The following RBM26 variants were observed in gnomAD, a reference collection of about 807,000 sequenced individuals.
RBM26 encodes RNA-binding protein 26.
A neutral mutation model predicts 123.6 loss-of-function variants in RBM26; 30 were observed. That is an observed-to-expected ratio of 0.24 (90% CI 0.18 to 0.33). RBM26 has a LOEUF of 0.33. RBM26 is among the 10% of genes least tolerant of loss of function. The pLI is 1.00. For synonymous variants in RBM26, 400 were observed against 404.4 expected, an observed-to-expected ratio of 0.99 and a Z score of 0.13; for missense variants, 947 against 1,203.6, an observed-to-expected ratio of 0.79 and a Z score of 3.15.
At chr13:79,390,443 G>GT (rs1160366680) in intron 1 of RBM26, among the ~76,000 whole-genome samples, 2 of 152,132 alleles carry the variant, frequency 1.3e-5, no homozygotes, top group African/African-American at 4.8e-5. Flanking sequence ...CTAGAGGTAG[G>GT]TGGGGGCATG....
chr13:79,385,668 AAATT>A, intron 1 of RBM26, among the ~76,000 whole-genome samples: 1 of 152,214 alleles, frequency 6.6e-6, no homozygotes, highest in Non-Finnish European at 1.5e-5. Flanking sequence ...AATTGAGAAA[AAATT>A]TAGTTTAGTT....
At chr13:79,388,326 C>T (rs905548143) in intron 1 of RBM26, among the ~76,000 whole-genome samples, 3 of 152,196 alleles carry the variant, frequency 2.0e-5, no homozygotes, top group South Asian at 4.1e-4. Context: ...GAACTTCTGA[C>T]CTCAGGTGAT....
At chr13:79,348,152 AC>A (rs1379168971) in intron 14 of RBM26, among the ~76,000 whole-genome samples, 5 of 152,116 alleles carry the variant, frequency 3.3e-5, no homozygotes, top group Non-Finnish European at 5.9e-5. Flanking sequence ...GTATCACTGG[AC>A]ATTTGCTAAT....
intron 7 of RBM26, among the ~76,000 whole-genome samples, 161 bp downstream of exon 7, chr13:79,366,472 T>A (rs899758378): frequency 3.3e-5 from 5 of 152,220 alleles, no homozygotes; most frequent in Non-Finnish European, 5.9e-5. Context: ...TGGCACAGGC[T>A]ACAAAGTGGA....
At chr13:79,316,279 T>C (rs767610133), downstream of RBM26, among the ~76,000 whole-genome samples, 1 of 150,818 alleles carries the variant, frequency 6.6e-6, no homozygotes, top group African/African-American at 2.4e-5. Flanking sequence ...GAACTAAAAC[T>C]AATTTTCTAT....
rs1277686691 is a variant in RBM26 at position 79,371,947 on chromosome 13, A to G, written c.328-17T>C. ...CTTAGTGATCTGATTAAAAAAAAAA[A>G]AAAAAGTGTACAAGTTTAGTAATTA... On this transcript the variant is annotated splice_polypyrimidine_tract_variant and intron_variant, in intron 3 of 21. Transcript: ENST00000438737. 2.6e-6 allele frequency: 4 copies of G among 1,542,166 alleles called. No individual in the cohort carries two copies. Among genetic ancestry groups the G allele is most frequent in the Non-Finnish European group, 3.6e-6 (4 of 1,119,290 alleles).
intron 14 of RBM26, among the ~76,000 whole-genome samples, chr13:79,346,834 C>A (rs1281212226): frequency 6.6e-6 from 1 of 152,136 alleles, no homozygotes; most frequent in Middle Eastern, 3.2e-3. Flanking sequence ...ACAGGATAAA[C>A]TGAAAACAGA....
Position 79,384,586 on chromosome 13 carries a change from T to C in RBM26, c.72-5679A>G, listed in dbSNP as rs991861354. Among the ~76,000 whole-genome samples, 3 of 152,256 alleles carry C rather than the reference T, an allele frequency of 2.0e-5. No individual in the cohort carries two copies. The East Asian group carries it at 5.8e-4, about 29-fold the overall frequency. On this transcript the variant is annotated intron_variant, in intron 1 of 21. Transcript: ENST00000438737. Reference sequence around the variant, plus strand: ...ATCTTTGTTTTTAAAAACAGTTCAGTTGGAGACTTCCAGCTTCATGCATAC... The same window carrying C: ...ATCTTTGTTTTTAAAAACAGTTCAGCTGGAGACTTCCAGCTTCATGCATAC...
chr13:79,331,133 C>T (rs1324488245), intron 20 of RBM26, among the ~76,000 whole-genome samples: 2 of 152,070 alleles, frequency 1.3e-5, no homozygotes, highest in Admixed American at 6.5e-5. Flanking sequence ...ACCTTAGCCT[C>T]GCAAACAGCT....
chr13:79,318,238 A>G (rs1053839752), downstream of RBM26, among the ~76,000 whole-genome samples: 2 of 147,432 alleles, frequency 1.4e-5, no homozygotes, highest in African/African-American at 4.9e-5. Flanking sequence ...GGAAAGCAGC[A>G]GCATCAACGT....
intron 20 of RBM26, among the ~76,000 whole-genome samples, chr13:79,326,152 A>ATT (rs1367470086): frequency 6.6e-6 from 1 of 152,188 alleles, no homozygotes; most frequent in East Asian, 1.9e-4. Flanking sequence ...ATCCCTCTTA[A>ATT]GTGGCACATG....
At chr13:79,346,572 C>T (rs2072373100) in intron 14 of RBM26, among the ~76,000 whole-genome samples, 1 of 152,058 alleles carries the variant, frequency 6.6e-6, no homozygotes, top group South Asian at 2.1e-4. Context: ...CAGGGTTTCT[C>T]GCCATGTTGC....
chr13:79,365,598 T>A lies in RBM26; in HGVS notation c.1397A>T (p.Asp466Val), dbSNP rs1003999404. The change falls in exon 9 of 22, where the codon GAT becomes GTT. Residue 466 changes from aspartate to valine, a missense_variant. This residue lies in a region of RBM26 where 493 missense variants were observed against 563.1 expected (regional missense o/e 0.88). Transcript: ENST00000438737. Reference protein sequence around the residue: ...RPNLIGLTSGDMDLPPREKPP... With the variant: ...RPNLIGLTSGVMDLPPREKPP... ...AGTACCTCTGGGTGGCAAATCCATATCCCCTGATGTTAGTCCTATCAAGTT... is the reference window on the plus strand; with the variant it reads ...AGTACCTCTGGGTGGCAAATCCATAACCCCTGATGTTAGTCCTATCAAGTT... 1.2e-6 allele frequency: 2 copies of A among 1,612,874 alleles called. No homozygotes were observed. Among genetic ancestry groups the A allele is most frequent in the African/African-American group, 2.7e-5 (2 of 74,900 alleles).
chr13:79,326,653 T>C (rs898047581), intron 20 of RBM26, among the ~76,000 whole-genome samples: 35 of 152,296 alleles, frequency 2.3e-4, no homozygotes, highest in African/African-American at 7.7e-4. Flanking sequence ...AATCATTAGA[T>C]ACTGATAGTT....
chr13:79,398,771 A>T (rs1275324016), intron 1 of RBM26, among the ~76,000 whole-genome samples: 2 of 152,230 alleles, frequency 1.3e-5, no homozygotes, highest in African/African-American at 4.8e-5. Context: ...AAATGGAAAG[A>T]AGTAGACCCA....
intron 3 of RBM26, among the ~76,000 whole-genome samples, chr13:79,372,420 T>A (rs1257274807): frequency 6.6e-6 from 1 of 152,000 alleles, no homozygotes; most frequent in Non-Finnish European, 1.5e-5. Flanking sequence ...AAAATTGTCA[T>A]CTTCTAAAAT....
chr13:79,367,618 A>G (rs2139930489), intron 6 of RBM26, among the ~76,000 whole-genome samples: 1 of 151,816 alleles, frequency 6.6e-6, no homozygotes, highest in Non-Finnish European at 1.5e-5. Flanking sequence ...CACCTCCCCC[A>G]CCACCAACCC....
At chr13:79,397,406 C>T (rs545628330) in intron 1 of RBM26, among the ~76,000 whole-genome samples, 4 of 151,910 alleles carry the variant, frequency 2.6e-5, no homozygotes, top group Admixed American at 6.5e-5. Context: ...TTGCTTCTAG[C>T]CAGCATGATA....
At chr13:79,340,183 AT>A (rs2060837370) in intron 18 of RBM26, among the ~76,000 whole-genome samples, 1 of 152,000 alleles carries the variant, frequency 6.6e-6, no homozygotes, top group Admixed American at 6.6e-5. Context: ...CCCAAAAAAA[AT>A]ACTGGGCAGG....
Sources: allele counts gnomAD v4.1 joint callset (sites outside exome capture counted in the v4.1 genomes callset), GRCh38; gene constraint gnomAD v4.1.1; regional missense constraint gnomAD v4.1.1; transcripts MANE v1.5; gene names NCBI Gene and HGNC (gene_info 2026-07-23, HGNC 2026-07-21).